VCF1: variants seen among roughly 807,000 people sequenced by gnomAD.
The protein encoded by VCF1 is VCP nuclear cofactor family member 1, also known as protein VCF1.
chr17:73,210,336 C>T, the VCF1 span, among the ~76,000 whole-genome samples: 1 of 152,092 alleles, frequency 6.6e-6, no homozygotes, highest in African/African-American at 2.4e-5. Flanking sequence ...GTCAAGTTAT[C>T]TTATGTTGGC....
chr17:73,207,767 T>C, the VCF1 span: 1 of 1,289,216 alleles, frequency 7.8e-7, no homozygotes, highest in Non-Finnish European at 1.0e-6. Flanking sequence ...TGTGTGCATG[T>C]GTGTTTGAAA....
At chr17:73,223,745 G>C in the VCF1 span, among the ~76,000 whole-genome samples, 1 of 152,008 alleles carries the variant, frequency 6.6e-6, no homozygotes, top group African/African-American at 2.4e-5. Context: ...ATTTGGCCAG[G>C]CCCAGTGGAG....
the VCF1 span, chr17:73,208,950 T>G: frequency 8.0e-6 from 2 of 249,358 alleles, no homozygotes; most frequent in Non-Finnish European, 1.6e-5. Context: ...GGGAGTGTGC[T>G]TCACTGACAG....
chr17:73,219,529 AG>A, the VCF1 span, among the ~76,000 whole-genome samples: 11 of 151,852 alleles, frequency 7.2e-5, 1 homozygote, highest in South Asian at 2.3e-3. Flanking sequence ...AGGCGCCTGT[AG>A]TTCCAGCTAC....
the VCF1 span, among the ~76,000 whole-genome samples, chr17:73,217,284 T>C: frequency 7.3e-5 from 11 of 150,468 alleles, no homozygotes; most frequent in African/African-American, 2.0e-4. Flanking sequence ...ACCCAGGAGA[T>C]AGATGTTGCA....
At chr17:73,220,616 T>C in the VCF1 span, among the ~76,000 whole-genome samples, 1 of 150,964 alleles carries the variant, frequency 6.6e-6, no homozygotes. Flanking sequence ...AGCCAATTTT[T>C]GTATTGTTAG....
At chr17:73,232,123 G>A in the VCF1 span, 1 of 1,610,172 alleles carries the variant, frequency 6.2e-7, no homozygotes, top group Non-Finnish European at 8.5e-7. Flanking sequence ...GCTGGCGGAT[G>A]GAAGCTACGC....
the VCF1 span, among the ~76,000 whole-genome samples, chr17:73,216,729 G>A: frequency 6.6e-6 from 1 of 152,196 alleles, no homozygotes; most frequent in Non-Finnish European, 1.5e-5. Flanking sequence ...TTGTGAAGCA[G>A]AGGACGGGGA....
the VCF1 span, among the ~76,000 whole-genome samples, chr17:73,228,455 C>T: frequency 2.6e-5 from 4 of 152,140 alleles, no homozygotes; most frequent in Admixed American, 1.3e-4. Context: ...AAATGATCAC[C>T]CTAAGCTCAC....
chr17:73,232,346 G>T, the VCF1 span: 1 of 1,524,262 alleles, frequency 6.6e-7, no homozygotes, highest in South Asian at 1.2e-5. Context: ...CGGCTGCGCA[G>T]TGGCACCATC....
chr17:73,213,831 G>T, the VCF1 span, among the ~76,000 whole-genome samples: 2 of 152,120 alleles, frequency 1.3e-5, no homozygotes, highest in African/African-American at 4.8e-5. Context: ...GTAGCCGGGC[G>T]TGGTGGCGCA....
the VCF1 span, among the ~76,000 whole-genome samples, chr17:73,224,640 T>G: frequency 6.6e-6 from 1 of 152,362 alleles, no homozygotes; most frequent in East Asian, 1.9e-4. Flanking sequence ...ACCAGCCAAA[T>G]GTCCCTAAAC....
chr17:73,212,775 A>G, the VCF1 span: 6 of 1,476,008 alleles, frequency 4.1e-6, no homozygotes, highest in African/African-American at 7.0e-5. Context: ...ATCAGTTTCT[A>G]GTAAGTCAAG....
the VCF1 span, chr17:73,231,985 G>T: frequency 7.7e-7 from 1 of 1,297,514 alleles, no homozygotes; most frequent in Non-Finnish European, 1.0e-6. Context: ...AGGGAGCCCC[G>T]CCGGGTCCAC....
the VCF1 span, among the ~76,000 whole-genome samples, chr17:73,218,052 A>T: frequency 1.3e-5 from 2 of 152,196 alleles, no homozygotes; most frequent in Non-Finnish European, 2.9e-5. Context: ...CCCTCTTTCA[A>T]TGGTGCTTTC....
At chr17:73,208,216 T>G in the VCF1 span, 3 of 1,600,314 alleles carry the variant, frequency 1.9e-6, no homozygotes, top group Admixed American at 5.1e-5. Context: ...GCTCCGCTTG[T>G]GTGTGCCGTG....
chr17:73,208,466 T>C, the VCF1 span: 2 of 1,613,422 alleles, frequency 1.2e-6, no homozygotes, highest in Non-Finnish European at 1.7e-6. Context: ...GCAACACATC[T>C]GTCTCTCCCT....
chr17:73,229,621 T>G, the VCF1 span: 2 of 973,580 alleles, frequency 2.1e-6, no homozygotes, highest in South Asian at 9.5e-5. Context: ...ATCCCAGCAC[T>G]TTGGGAGGCT....
the VCF1 span, among the ~76,000 whole-genome samples, chr17:73,215,852 T>A: frequency 6.6e-6 from 1 of 152,068 alleles, no homozygotes; most frequent in Non-Finnish European, 1.5e-5. Flanking sequence ...TAGGAGAGGA[T>A]CCTTAACATG....
Sources: allele counts gnomAD v4.1 joint callset (sites outside exome capture counted in the v4.1 genomes callset), GRCh38; gene constraint gnomAD v4.1.1; transcripts MANE v1.5; gene names NCBI Gene and HGNC (gene_info 2026-07-23, HGNC 2026-07-21).